Variants in MLLT3 observed in about 807,000 individuals in gnomAD.
MLLT3 encodes protein AF-9.
Under a neutral mutation model 53.2 loss-of-function variants are expected in MLLT3, and 4 were observed. The ratio of observed to expected loss-of-function variants is 0.08; its 90% CI spans 0.04 to 0.17. The LOEUF (loss-of-function observed/expected upper bound fraction) is 0.17, where lower values mean the gene tolerates loss of function less well. MLLT3 is among the 10% of genes least tolerant of loss of function. MLLT3 has a pLI of 1.00. For synonymous variants in MLLT3, 283 were observed against 230.6 expected, an observed-to-expected ratio of 1.23 and a Z score of -2.06; for missense variants, 569 against 684.0, an observed-to-expected ratio of 0.83 and a Z score of 1.87.
chr9:20,380,503 A>T (rs1436967584), intron 5 of MLLT3, among the ~76,000 whole-genome samples: 1 of 152,044 alleles, frequency 6.6e-6, no homozygotes, highest in Non-Finnish European at 1.5e-5. Context: ...TTGTGGAATC[A>T]TTATTCAGGA....
intron 9 of MLLT3, 35 bp from the exon 10 acceptor site, chr9:20,353,631 A>G: frequency 6.5e-7 from 1 of 1,547,772 alleles, no homozygotes; most frequent in Non-Finnish European, 8.9e-7. Flanking sequence ...AAGGACAAGC[A>G]CTTTAAGTAG....
At chr9:20,535,538 G>A (rs745823876) in intron 2 of MLLT3, among the ~76,000 whole-genome samples, 9 of 151,948 alleles carry the variant, frequency 5.9e-5, no homozygotes, top group South Asian at 4.2e-4. Context: ...AAGGAAATGC[G>A]CAACCAAAAA....
At chr9:20,504,718 T>C (rs1392913439) in intron 2 of MLLT3, among the ~76,000 whole-genome samples, 1 of 152,048 alleles carries the variant, frequency 6.6e-6, no homozygotes, top group Non-Finnish European at 1.5e-5. Flanking sequence ...TTGAAAAACA[T>C]TAAGGGGATT....
chr9:20,562,915 T>C lies in MLLT3; in HGVS notation c.193+57739A>G, dbSNP rs141658158. On this transcript the variant is annotated intron_variant, in intron 2 of 10. Coordinates refer to ENST00000380338, the MANE Select transcript of MLLT3 (RefSeq NM_004529.4). ...CTCAAAAACACTAGGTCCCAGAGCA[T>C]TCTTTGCATTTTGTCTTTATTTTAC... Among the ~76,000 whole-genome samples the C allele has an allele frequency of 3.9e-3, 601 of 152,266 alleles. 4 individuals carry two copies. The highest frequency in any genetic ancestry group is 0.012 in the African/African-American group (519 of 41,556).
intron 5 of MLLT3, among the ~76,000 whole-genome samples, chr9:20,374,565 T>C (rs758635167): frequency 1.3e-5 from 2 of 152,214 alleles, no homozygotes; most frequent in Non-Finnish European, 2.9e-5. Flanking sequence ...ATTCTACTTA[T>C]GTTAACCTAA....
intron 10 of MLLT3, among the ~76,000 whole-genome samples, chr9:20,350,333 C>T (rs571357686): frequency 3.9e-5 from 6 of 152,190 alleles, no homozygotes; most frequent in African/African-American, 9.6e-5. Context: ...CGGTGGCTCA[C>T]GCCTGTAATC....
At chr9:20,532,045 A>C (rs1428863263) in intron 2 of MLLT3, among the ~76,000 whole-genome samples, 2 of 152,130 alleles carry the variant, frequency 1.3e-5, no homozygotes, top group Non-Finnish European at 1.5e-5. Context: ...ACCAAATTAA[A>C]ACGATTGCAA....
chr9:20,362,573 CAG>C (rs945196837), intron 7 of MLLT3: 22 of 152,184 alleles, frequency 1.4e-4, no homozygotes, highest in African/African-American at 5.1e-4. Flanking sequence ...AGGAGAGAAA[CAG>C]GGGTTGAATA....
At chr9:20,565,971 TA>T (rs1554639792) in intron 2 of MLLT3, among the ~76,000 whole-genome samples, 3 of 43,346 alleles carry the variant, frequency 6.9e-5, no homozygotes, top group African/African-American at 2.7e-4. Context: ...TATATATTTA[TA>T]TATATATATA....
chr9:20,586,754 C>G (rs566166431), intron 2 of MLLT3, among the ~76,000 whole-genome samples: 1 of 151,946 alleles, frequency 6.6e-6, no homozygotes, highest in East Asian at 1.9e-4. Flanking sequence ...TAATGAGACT[C>G]ACTGGTTAGG....
intron 2 of MLLT3, among the ~76,000 whole-genome samples, chr9:20,501,678 G>A (rs1825232735): frequency 6.8e-6 from 1 of 148,024 alleles, no homozygotes; most frequent in Admixed American, 6.9e-5. Flanking sequence ...GTGAACCCGG[G>A]AAGCGGAGCT....
intron 5 of MLLT3, among the ~76,000 whole-genome samples, chr9:20,368,464 T>C (rs150472056): frequency 1.1e-4 from 16 of 152,280 alleles, no homozygotes; most frequent in Middle Eastern, 3.4e-3. Flanking sequence ...CCAGTTCACA[T>C]TGTATTGGAC....
At chr9:20,614,341 C>T (rs1820771852) in intron 2 of MLLT3, among the ~76,000 whole-genome samples, 1 of 149,548 alleles carries the variant, frequency 6.7e-6, no homozygotes, top group African/African-American at 2.4e-5. Context: ...TTGCAGTGAG[C>T]CAAGATCATG....
At chr9:20,417,890 A>C (rs1169637341) in intron 4 of MLLT3, among the ~76,000 whole-genome samples, 3 of 152,186 alleles carry the variant, frequency 2.0e-5, no homozygotes, top group African/African-American at 7.2e-5. Flanking sequence ...TTCAGTTTCC[A>C]TGTTATCTCC....
intron 2 of MLLT3, among the ~76,000 whole-genome samples, chr9:20,492,401 T>A (rs1824970536): frequency 6.6e-6 from 1 of 152,034 alleles, no homozygotes. Flanking sequence ...ATTTCAAGGA[T>A]GTTCATTTTA....
Position 20,621,762 on chromosome 9 carries a change from G to A in MLLT3, c.12+483C>T, listed in dbSNP as rs1490494887. The A allele has an allele frequency of 1.3e-6, 2 of 1,488,392 alleles. No homozygotes were observed. Among genetic ancestry groups the A allele is most frequent in the Non-Finnish European group, 1.8e-6 (2 of 1,127,676 alleles). 92.2% of individuals were successfully genotyped at this position (1,488,392 alleles called of 1,614,324 possible). On this transcript the variant is annotated intron_variant, in intron 1 of 10. Coordinates refer to ENST00000380338, the MANE Select transcript of MLLT3 (RefSeq NM_004529.4). This position sits in a 1 kb window ranked among gnomAD's most constrained non-coding sequence, Gnocchi z 7.0. ...ACTTCGGCTCACACACGCGCGCCGC[G>A]GAGAACGCACCATCGTAGCGGCCGC...
intron 2 of MLLT3, among the ~76,000 whole-genome samples, chr9:20,479,868 A>C (rs1203478233): frequency 6.6e-6 from 1 of 152,238 alleles, no homozygotes; most frequent in South Asian, 2.1e-4. Flanking sequence ...CTTATTTTCC[A>C]TAACTCATAA....
At chr9:20,380,455 C>A (rs1365341334) in intron 5 of MLLT3, 1 of 152,018 alleles carries the variant, frequency 6.6e-6, no homozygotes, top group Non-Finnish European at 1.5e-5. Flanking sequence ...AAAGGCCTAA[C>A]TTGTTTTTAA....
chr9:20,468,751 CTAACA>C (rs1206871753), intron 2 of MLLT3, among the ~76,000 whole-genome samples: 22 of 152,142 alleles, frequency 1.4e-4, no homozygotes, highest in Non-Finnish European at 3.2e-4. Flanking sequence ...ATCTAAAATC[CTAACA>C]TTCAAAGGAC....
Sources: gnomAD v4.1 joint callset for allele counts (sites outside exome capture counted in the v4.1 genomes callset) on GRCh38, gnomAD v4.1.1 for gene constraint, Gnocchi (gnomAD v3.1) non-coding constraint, MANE v1.5 for transcripts, NCBI Gene and HGNC (gene_info 2026-07-23, HGNC 2026-07-21) for gene names.